The following ALDH2 variants were observed in gnomAD, a reference collection of about 807,000 sequenced individuals.
ALDH2 encodes aldehyde dehydrogenase 2 family member.
In ALDH2, 44 loss-of-function variants were observed where a neutral mutation model predicts 59.6. The ratio of observed to expected loss-of-function variants is 0.74; its 90% confidence interval spans 0.58 to 0.95. The LOEUF is 0.95. ALDH2 is among the 40% of genes least tolerant of loss of function. The pLI is 0.00. For missense variants in ALDH2, 570 were observed against 696.3 expected (o/e 0.82, Z 2.04); for synonymous variants, 291 against 284.0 (o/e 1.02, Z -0.25).
chr12:111,798,316 G>A (rs937426191), intron 10 of ALDH2, 74 bp downstream of exon 10: 5 of 1,465,556 alleles, frequency 3.4e-6, no homozygotes, highest in Non-Finnish European at 4.5e-6. Flanking sequence ...CTGGCATCCT[G>A]ATGCTGTCAC....
At chr12:111,796,383 C>T (rs926991117) in intron 9 of ALDH2, among the ~76,000 whole-genome samples, 7 of 151,680 alleles carry the variant, frequency 4.6e-5, no homozygotes, top group South Asian at 4.2e-4. Flanking sequence ...TGTAGTGATG[C>T]GTGCCTATAC....
At chr12:111,782,446 G>A (rs151127608) in intron 2 of ALDH2, among the ~76,000 whole-genome samples, 6 of 152,272 alleles carry the variant, frequency 3.9e-5, no homozygotes, top group East Asian at 3.8e-4. Flanking sequence ...TTGGCCGGGC[G>A]CAGTGGCGCA....
chr12:111,808,362 A>G (rs1004573243), intron 12 of ALDH2, among the ~76,000 whole-genome samples: 1 of 152,164 alleles, frequency 6.6e-6, no homozygotes, highest in African/African-American at 2.4e-5. Flanking sequence ...TTCTAAAAGC[A>G]ATTACACTTG....
chr12:111,773,070 A>T lies in ALDH2; in HGVS notation c.114+5974A>T, dbSNP rs191252491. ...GGTGGAGACCAGCCTGACCAATATG[A>T]TGAAACCCCGTCTCTACTAAAAATA... On this transcript the variant is annotated intron_variant, in intron 1 of 12. Coordinates refer to ENST00000261733, the MANE Select transcript of ALDH2 (RefSeq NM_000690.4). 7.1e-3 allele frequency among the ~76,000 whole-genome samples: 1,055 copies of T among 148,052 alleles called. 7 individuals are homozygous for T. The highest frequency in any genetic ancestry group is 0.017 in the South Asian group (77 of 4,638).
At chr12:111,780,537 T>G (rs1206984159) in intron 1 of ALDH2, among the ~76,000 whole-genome samples, 1 of 152,140 alleles carries the variant, frequency 6.6e-6, no homozygotes, top group Non-Finnish European at 1.5e-5. Context: ...TGTGGACCCC[T>G]CCTTTTCATC....
rs190454593 is a variant in ALDH2, at chr12:111,810,040, C to T, written c.*465C>T. The T allele has an allele frequency of 5.0e-4, 96 of 193,512 alleles. No individual in the cohort carries two copies. The highest frequency in any genetic ancestry group is 4.1e-3 in the East Asian group (45 of 10,942). 12.0% of individuals were successfully genotyped at this position (193,512 alleles called of 1,614,324 possible). A position where few individuals can be genotyped will look rare whatever the true frequency, so the allele number is the denominator to read the frequency against. On this transcript the variant is annotated 3_prime_UTR_variant, in exon 13 of 13. Transcript: ENST00000261733. ...AAAGGAAGGTGGGCATGGTGGCTCA[C>T]GCCTGTAATCCCAGCACTTTGGGAA...
intron 1 of ALDH2, among the ~76,000 whole-genome samples, chr12:111,774,675 T>C (rs972211570): frequency 2.6e-5 from 4 of 152,128 alleles, no homozygotes; most frequent in Non-Finnish European, 4.4e-5. Context: ...TAGCCTTTCA[T>C]TGGAGACCCT....
intron 1 of ALDH2, among the ~76,000 whole-genome samples, chr12:111,773,222 CT>C (rs1386904511): frequency 6.6e-6 from 1 of 152,126 alleles, no homozygotes; most frequent in East Asian, 1.9e-4. Flanking sequence ...CCGCCTCAGC[CT>C]CCCAAAGTGC....
In ALDH2 at chr12:111,809,661, T is replaced by C. The variant is rs1220814224; in HGVS notation, c.*86T>C. The C allele has an allele frequency of 4.8e-6, 7 of 1,452,864 alleles. No individual in the cohort carries two copies. The highest frequency in any genetic ancestry group is 6.7e-6 in the Non-Finnish European group (7 of 1,045,756). 90.0% of individuals were successfully genotyped at this position (1,452,864 alleles called of 1,614,324 possible). On this transcript the variant is annotated 3_prime_UTR_variant, in exon 13 of 13. Coordinates refer to ENST00000261733, the MANE Select transcript of ALDH2 (RefSeq NM_000690.4). ...ACCAAGAAAAATGATCCTTGCGTGCTGAATATCTGAAAAGAGAAATTTTTC... is the reference window on the plus strand; with the variant it reads ...ACCAAGAAAAATGATCCTTGCGTGCCGAATATCTGAAAAGAGAAATTTTTC...
intron 11 of ALDH2, 123 bp from the exon 12 acceptor site, chr12:111,803,736 C>CA (rs201204403): frequency 0.018 from 8,581 of 489,656 alleles, no homozygotes; most frequent in East Asian, 0.024. Context: ...GATTCTATCT[C>CA]AAAAAAAAAA....
Position 111,798,146 on chromosome 12 carries a change from G to C in ALDH2, c.1152G>C (p.Leu384=). The C allele has an allele frequency of 2.5e-6, 4 of 1,613,662 alleles. No homozygotes were observed. The highest frequency in any genetic ancestry group is 3.4e-6 in the Non-Finnish European group (4 of 1,179,744). ...CGGGGAAGCAAGAGGGGGCGAAGCT[G>C]CTGTGTGGTGGGGGCATTGCTGCTG... The part of the protein sequence containing the change: ...INTGKQEGAK[L]LCGGGIAADR... The change falls in exon 10 of 13, where the codon CTG becomes CTC. Residue 384 remains leucine (L), a synonymous_variant. Coordinates refer to ENST00000261733, the MANE Select transcript of ALDH2 (RefSeq NM_000690.4).
At chr12:111,780,348 A>C (rs1307753919) in intron 1 of ALDH2, among the ~76,000 whole-genome samples, 2 of 152,182 alleles carry the variant, frequency 1.3e-5, no homozygotes, top group Non-Finnish European at 2.9e-5. Context: ...TACATTCTAG[A>C]GGCGGAACCG....
rs748608292 is a variant in ALDH2, at chr12:111,789,962, CAGGGTGCCCTGAG to C, written c.552+30_552+42del. 33 of 1,602,220 alleles carry C rather than the reference CAGGGTGCCCTGAG, an allele frequency of 2.1e-5. No homozygotes were observed. The East Asian group carries it at 6.5e-4, about 31-fold the overall frequency. On this transcript the variant is annotated intron_variant, in intron 5 of 12. Coordinates refer to ENST00000261733, the MANE Select transcript of ALDH2 (RefSeq NM_000690.4). Reference sequence around the variant, plus strand: ...GAGTCCAGCCTCCCTGGAGTTTCTTCAGGGTGCCCTGAGATTTGGCAGTCTGCCAGACTCATTG... The same window carrying C: ...GAGTCCAGCCTCCCTGGAGTTTCTTCATTTGGCAGTCTGCCAGACTCATTG...
rs570307984 is a variant in ALDH2 at position 111,817,395 on chromosome 12, T to C, written c.*7820T>C. On this transcript the variant is annotated 3_prime_UTR_variant, in exon 13 of 13. Coordinates refer to ENST00000261733, the MANE Select transcript of ALDH2 (RefSeq NM_000690.4). Reference sequence around the variant, plus strand: ...ACCCAAAATTATCAAAGTAGAGACATTATGTGTTTGCAATGTGCTATGATT... The same window carrying C: ...ACCCAAAATTATCAAAGTAGAGACACTATGTGTTTGCAATGTGCTATGATT... 6.6e-6 allele frequency: 1 copy of C among 152,264 alleles called. No individual in the cohort carries two copies. Among genetic ancestry groups the C allele is most frequent in the South Asian group, 2.1e-4 (1 of 4,816 alleles). The allele number at this position is 152,264 out of a possible 1,614,324, so 9.4% of individuals were successfully genotyped here.
intron 11 of ALDH2, among the ~76,000 whole-genome samples, chr12:111,802,879 C>CAAAAAAA (rs747777133): frequency 1.9e-5 from 1 of 53,032 alleles, no homozygotes; most frequent in East Asian, 9.3e-4. Flanking sequence ...GACTCTGTCT[C>CAAAAAAA]AAAAAAAAAA....
At chr12:111,774,770 C>T (rs754909991) in intron 1 of ALDH2, among the ~76,000 whole-genome samples, 1 of 152,114 alleles carries the variant, frequency 6.6e-6, no homozygotes, top group East Asian at 1.9e-4. Flanking sequence ...CTGACCTCCG[C>T]CCCCAAGGTC....
At position 111,812,005 on chromosome 12, in the gene ALDH2, A is replaced by T. The variant is rs1424359542; in HGVS notation, c.*2430A>T. On this transcript the variant is annotated 3_prime_UTR_variant, in exon 13 of 13. Coordinates refer to ENST00000261733, the MANE Select transcript of ALDH2 (RefSeq NM_000690.4). ...GGGTAAAGAGTGTGAGTCATCTCCA[A>T]TGACAGGTAAGGTCACGTGGGTCAC... The T allele has an allele frequency of 6.4e-6, 1 of 156,578 alleles. No individual in the cohort carries two copies. Among genetic ancestry groups the T allele is most frequent in the Admixed American group, 6.5e-5 (1 of 15,344 alleles). 9.7% of individuals were successfully genotyped at this position (156,578 alleles called of 1,614,324 possible).
rs1257132720 is a variant in ALDH2 at position 111,769,726 on chromosome 12, G to A, written c.114+2630G>A. Among the ~76,000 whole-genome samples, 11 of 152,032 alleles carry A rather than the reference G, an allele frequency of 7.2e-5. 1 individual carries two copies. The East Asian group carries it at 1.3e-3, about 19-fold the overall frequency. On this transcript the variant is annotated intron_variant, in intron 1 of 12. Coordinates refer to ENST00000261733, the MANE Select transcript of ALDH2 (RefSeq NM_000690.4). ...CAGAGCATTCTACTCTGGTGGCGCCGTGCTGGAACTGGACCTCTTAGAGCC... is the reference window on the plus strand; with the variant it reads ...CAGAGCATTCTACTCTGGTGGCGCCATGCTGGAACTGGACCTCTTAGAGCC...
In ALDH2 at chr12:111,783,239, A is replaced by G. The variant is rs747096195; in HGVS notation, c.301A>G (p.Arg101Gly). 7 of 1,613,314 alleles carry G rather than the reference A, an allele frequency of 4.3e-6. No homozygotes were observed. The Admixed American group carries it at 1.0e-4, about 23-fold the overall frequency. The stretch of plus-strand genomic sequence containing the variant: ...TTGGCGCCGCATGGACGCATCACAC[A>G]GGGGCCGGCTGCTGAACCGCCTGGC... ...SPWRRMDASH[R>G]GRLLNRLADL... The change falls in exon 3 of 13, where the codon AGG (arginine) becomes GGG (glycine). Residue 101 changes from arginine to glycine, a missense_variant. Transcript: ENST00000261733.
Sources: gnomAD v4.1 joint callset for allele counts (sites outside exome capture counted in the v4.1 genomes callset) on GRCh38, gnomAD v4.1.1 for gene constraint, MANE v1.5 for transcripts, NCBI Gene and HGNC (gene_info 2026-07-23, HGNC 2026-07-21) for gene names.